KIF1B: variants seen among roughly 807,000 people sequenced by gnomAD.
KIF1B encodes kinesin family member 1B, also known as kinesin-like protein KIF1B.
In KIF1B, 76 loss-of-function variants were observed where a neutral mutation model predicts 241.9. The ratio of observed to expected loss-of-function variants is 0.31; its 90% CI spans 0.26 to 0.38. The LOEUF is 0.38. Ranked by LOEUF, KIF1B falls within the 10% of genes least tolerant of loss-of-function variation. KIF1B has a pLI of 1.00. For synonymous variants in KIF1B, 750 were observed against 796.7 expected (o/e 0.94, Z 0.99); for missense variants, 1,622 against 2,271.4 (o/e 0.71, Z 5.81).
intron 1 of KIF1B, among the ~76,000 whole-genome samples, chr1:10,225,448 A>G (rs963163013): frequency 3.3e-5 from 5 of 152,212 alleles, no homozygotes; most frequent in African/African-American, 1.2e-4. Flanking sequence ...TTCCCTTGAC[A>G]GAGCAAGACC....
intron 2 of KIF1B, among the ~76,000 whole-genome samples, chr1:10,246,776 A>T (rs935444131): frequency 2.0e-5 from 3 of 152,128 alleles, no homozygotes; most frequent in Non-Finnish European, 2.9e-5. Flanking sequence ...AAATCAGATT[A>T]TGTCACCCCT....
chr1:10,334,478 C>T (rs2276100), intron 27 of KIF1B, 42 bp from the exon 28 acceptor site: 2 of 1,420,660 alleles, frequency 1.4e-6, no homozygotes, highest in Non-Finnish European at 2.0e-6. Context: ...GTTTATCTCT[C>T]CATGGATGTT....
intron 1 of KIF1B, among the ~76,000 whole-genome samples, chr1:10,216,728 T>G (rs1054559736): frequency 6.6e-6 from 1 of 152,094 alleles, no homozygotes; most frequent in Non-Finnish European, 1.5e-5. Flanking sequence ...CACTGCCCCA[T>G]GCTTGGCAGA....
chr1:10,306,499 T>TTAA (rs1349882934), intron 22 of KIF1B: 11 of 855,916 alleles, frequency 1.3e-5, no homozygotes, highest in Middle Eastern at 5.0e-4. Flanking sequence ...CAGCCCCAGC[T>TTAA]ACTTAGGAGG....
At chr1:10,375,502 G>C (rs1638857849) in intron 48 of KIF1B, 129 bp downstream of exon 48, 2 of 765,422 alleles carry the variant, frequency 2.6e-6, no homozygotes, top group African/African-American at 3.4e-5. Context: ...TCCTGACTCA[G>C]CCTCCCCAGT....
At chr1:10,319,103 C>CTTTT (rs1267312262) in intron 22 of KIF1B, among the ~76,000 whole-genome samples, 1 of 131,958 alleles carries the variant, frequency 7.6e-6, no homozygotes, top group Non-Finnish European at 1.6e-5. Context: ...TACAATAATC[C>CTTTT]TTTTTTTTTT....
chr1:10,342,246 C>A (rs748051109), intron 33 of KIF1B, 78 bp downstream of exon 33: 206 of 907,818 alleles, frequency 2.3e-4, no homozygotes, highest in Non-Finnish European at 3.2e-4. Context: ...AGGAAGAAAT[C>A]TTTTGAGGGA....
At chr1:10,267,628 G>A in intron 6 of KIF1B, 70 bp downstream of exon 6, 2 of 1,431,032 alleles carry the variant, frequency 1.4e-6, no homozygotes, top group Non-Finnish European at 2.0e-6. Flanking sequence ...CCAGTTAAGG[G>A]TTTGAGGCCA....
intron 22 of KIF1B, among the ~76,000 whole-genome samples, chr1:10,314,989 A>T (rs1255611838): frequency 6.6e-6 from 1 of 151,050 alleles, no homozygotes; most frequent in East Asian, 1.9e-4. Context: ...CATGTAATGT[A>T]TAGTTTTTCC....
chr1:10,354,648 GATA>G (rs539776829), intron 38 of KIF1B, among the ~76,000 whole-genome samples: 29 of 152,242 alleles, frequency 1.9e-4, no homozygotes, highest in African/African-American at 6.7e-4. Flanking sequence ...AATGAAGTTA[GATA>G]ATAATAATAA....
intron 22 of KIF1B, among the ~76,000 whole-genome samples, chr1:10,315,503 C>T (rs1479445380): frequency 6.6e-6 from 1 of 151,332 alleles, no homozygotes; most frequent in African/African-American, 2.5e-5. Flanking sequence ...ACCACTATCC[C>T]ATCTAGGAAA....
chr1:10,216,682 C>T (rs1646770976), intron 1 of KIF1B, among the ~76,000 whole-genome samples: 1 of 152,098 alleles, frequency 6.6e-6, no homozygotes, highest in South Asian at 2.1e-4. Flanking sequence ...TCCACAGTTG[C>T]TATTATAAAA....
intron 23 of KIF1B, among the ~76,000 whole-genome samples, chr1:10,321,382 A>C (rs775847003): frequency 1.3e-5 from 2 of 151,928 alleles, no homozygotes; most frequent in Non-Finnish European, 2.9e-5. Flanking sequence ...GGGATTATAG[A>C]CGTGAGCCAC....
chr1:10,277,764 C>T (rs1649193699), intron 12 of KIF1B, among the ~76,000 whole-genome samples: 1 of 152,192 alleles, frequency 6.6e-6, no homozygotes, highest in East Asian at 1.9e-4. Flanking sequence ...TTTAAGTCCT[C>T]TCGCTGTTAT....
At chr1:10,274,417 A>C (rs1431665986) in intron 10 of KIF1B, among the ~76,000 whole-genome samples, 10 of 152,224 alleles carry the variant, frequency 6.6e-5, no homozygotes, top group Non-Finnish European at 1.5e-5. Flanking sequence ...AAGAAGGATC[A>C]TGAAGAAAGC....
At chr1:10,327,959 A>AAC (rs1197345910) in intron 27 of KIF1B, among the ~76,000 whole-genome samples, 5 of 152,058 alleles carry the variant, frequency 3.3e-5, no homozygotes, top group African/African-American at 1.2e-4. Context: ...AATCTCAGCA[A>AAC]CTCTGGAGGC....
intron 22 of KIF1B, among the ~76,000 whole-genome samples, chr1:10,313,830 G>A (rs541463585): frequency 2.6e-5 from 4 of 151,314 alleles, no homozygotes; most frequent in East Asian, 3.9e-4. Context: ...GATTACAGGC[G>A]TGAGCCACCG....
At chr1:10,338,882 G>T (rs1569856456) in intron 31 of KIF1B, among the ~76,000 whole-genome samples, 1 of 152,232 alleles carries the variant, frequency 6.6e-6, no homozygotes, top group Admixed American at 6.5e-5. Context: ...AAGCATGCTA[G>T]TGTTCTCAGA....
chr1:10,348,287 G>T (rs1433454290), intron 36 of KIF1B, among the ~76,000 whole-genome samples: 1 of 152,074 alleles, frequency 6.6e-6, no homozygotes, highest in Non-Finnish European at 1.5e-5. Context: ...GACCCAAGTG[G>T]GCATAGGGGC....
Sources: allele counts gnomAD v4.1 joint callset (sites outside exome capture counted in the v4.1 genomes callset), GRCh38; gene constraint gnomAD v4.1.1; transcripts MANE v1.5; gene names NCBI Gene and HGNC (gene_info 2026-07-23, HGNC 2026-07-21).